The following ASTN2 variants were observed in gnomAD, a reference collection of about 807,000 sequenced individuals.
ASTN2 encodes astrotactin 2.
A neutral mutation model predicts 139.8 loss-of-function variants in ASTN2; 54 were observed. The observed-to-expected ratio is 0.39, with a 90% CI of 0.31 to 0.48. The LOEUF (loss-of-function observed/expected upper bound fraction) is 0.48, where lower values mean the gene tolerates loss of function less well. Among genes scored for constraint, ASTN2 ranks in the 20% least tolerant of loss-of-function variants. The pLI, the probability that ASTN2 is intolerant of heterozygous loss-of-function variation, is 0.95. For missense variants in ASTN2, 1,565 were observed against 1,725.1 expected, an observed-to-expected ratio of 0.91 and a Z score of 1.64; for synonymous variants, 756 against 719.5, an observed-to-expected ratio of 1.05 and a Z score of -0.81.
chr9:116,458,083 G>A, intron 20 of ASTN2, among the ~76,000 whole-genome samples: 1 of 151,782 alleles, frequency 6.6e-6, no homozygotes. Flanking sequence ...TATGTTAAGT[G>A]AAATAAGCCA....
chr9:117,194,977 T>C (rs62564664), intron 3 of ASTN2, among the ~76,000 whole-genome samples: 1 of 129,324 alleles, frequency 7.7e-6, no homozygotes, highest in Non-Finnish European at 1.7e-5. Context: ...CATTCATTCA[T>C]TCACTCATTT....
At chr9:116,983,968 A>G (rs572935444) in intron 7 of ASTN2, among the ~76,000 whole-genome samples, 18 of 152,336 alleles carry the variant, frequency 1.2e-4, no homozygotes, top group African/African-American at 3.8e-4. Context: ...GTTGTGGACA[A>G]TAAAATGTGA....
rs190320924 is a variant in ASTN2, at chr9:117,356,708, G to T, written c.442+57789C>A. 3.3e-3 allele frequency among the ~76,000 whole-genome samples: 502 copies of T among 152,260 alleles called. 1 individual carries two copies. Among genetic ancestry groups the T allele is most frequent in the Non-Finnish European group, 6.0e-3 (405 of 68,020 alleles). On this transcript the variant is annotated intron_variant, in intron 1 of 22. Transcript: ENST00000313400. The stretch of plus-strand genomic sequence containing the variant: ...GGAAAGGGGAATTTAGAGAACAAAT[G>T]AAGGAAGGTAAAAAAAATACTGGAA...
intron 13 of ASTN2, among the ~76,000 whole-genome samples, chr9:116,785,061 T>G (rs1830332487): frequency 6.6e-6 from 1 of 151,950 alleles, no homozygotes; most frequent in Non-Finnish European, 1.5e-5. Context: ...AATTATTCAG[T>G]CTCTTAACAA....
chr9:116,439,296 G>A (rs1847766141), intron 22 of ASTN2, among the ~76,000 whole-genome samples: 1 of 134,638 alleles, frequency 7.4e-6, no homozygotes, highest in African/African-American at 2.8e-5. Context: ...CGCCTCCCGG[G>A]TTCACGCCAT....
chr9:117,081,571 G>T (rs566318598), intron 5 of ASTN2, among the ~76,000 whole-genome samples: 15 of 152,288 alleles, frequency 9.8e-5, no homozygotes, highest in African/African-American at 3.4e-4. Flanking sequence ...TATGACAAGG[G>T]TGAAAGGATT....
At chr9:117,376,704 C>T (rs1033413772) in intron 1 of ASTN2, among the ~76,000 whole-genome samples, 1 of 152,148 alleles carries the variant, frequency 6.6e-6, no homozygotes, top group East Asian at 1.9e-4. Flanking sequence ...TGTCACATTT[C>T]TGGGATCAGT....
chr9:117,238,067 T>C (rs759258909), intron 2 of ASTN2, among the ~76,000 whole-genome samples: 3 of 152,168 alleles, frequency 2.0e-5, no homozygotes, highest in Admixed American at 1.3e-4. Flanking sequence ...CACCATCTCA[T>C]GTAGCTCCAA....
At chr9:117,149,441 G>C (rs985080777) in intron 3 of ASTN2, among the ~76,000 whole-genome samples, 1 of 152,116 alleles carries the variant, frequency 6.6e-6, no homozygotes, top group Non-Finnish European at 1.5e-5. Flanking sequence ...GTTTGTGTGT[G>C]TGTGTGTATG....
rs1830875899 is a variant in ASTN2, at chr9:117,174,723, T to C, written c.1016-33245A>G. 2.0e-5 allele frequency among the ~76,000 whole-genome samples: 3 copies of C among 152,020 alleles called. No individual in the cohort carries two copies. In the South Asian group the frequency reaches 6.2e-4, roughly 32 times the overall value. Reference sequence around the variant, plus strand: ...CACCTCACTTGATGCTGAAAGAGTATTTAATAAATTGTAATATCCAATCAC... The same window carrying C: ...CACCTCACTTGATGCTGAAAGAGTACTTAATAAATTGTAATATCCAATCAC... On this transcript the variant is annotated intron_variant, in intron 3 of 22. Coordinates refer to ENST00000313400, the MANE Select transcript of ASTN2 (RefSeq NM_001365068.1).
At chr9:116,523,203 C>CTTT (rs775154721) in intron 19 of ASTN2, among the ~76,000 whole-genome samples, 1 of 145,028 alleles carries the variant, frequency 6.9e-6, no homozygotes, top group Non-Finnish European at 1.5e-5. Context: ...ATTCAGAGAC[C>CTTT]TTTTTTTTTT....
intron 17 of ASTN2, among the ~76,000 whole-genome samples, chr9:116,632,244 A>AG (rs1348471908): frequency 1.1e-4 from 13 of 118,986 alleles, no homozygotes; most frequent in Non-Finnish European, 2.3e-4. Context: ...AAAGAAAGAA[A>AG]GAAAGAAGGA....
intron 1 of ASTN2, among the ~76,000 whole-genome samples, chr9:117,364,385 G>C (rs1829777405): frequency 6.6e-6 from 1 of 152,320 alleles, no homozygotes; most frequent in African/African-American, 2.4e-5. Context: ...TGCCACTGCA[G>C]ATGTAAGGTT....
At chr9:116,955,322 G>A (rs1204418528) in intron 10 of ASTN2, among the ~76,000 whole-genome samples, 1 of 152,220 alleles carries the variant, frequency 6.6e-6, no homozygotes. Context: ...TCATTATGAT[G>A]AAGAGAAGTC....
chr9:117,017,728 AT>A (rs1216844894), intron 6 of ASTN2, among the ~76,000 whole-genome samples: 1 of 152,176 alleles, frequency 6.6e-6, no homozygotes, highest in African/African-American at 2.4e-5. Context: ...TAAATTACAC[AT>A]TCCATTTACA....
chr9:117,290,063 T>C (rs1382154753), intron 2 of ASTN2, among the ~76,000 whole-genome samples: 5 of 152,198 alleles, frequency 3.3e-5, no homozygotes, highest in Non-Finnish European at 7.3e-5. Flanking sequence ...TACTGCTGAT[T>C]GTTAAATTGA....
intron 3 of ASTN2, among the ~76,000 whole-genome samples, chr9:117,196,053 G>A (rs894085011): frequency 2.0e-5 from 3 of 152,114 alleles, no homozygotes; most frequent in Non-Finnish European, 4.4e-5. Flanking sequence ...GCCGTCCCAA[G>A]GATTACGAAC....
At chr9:117,377,748 T>C (rs1830163179) in intron 1 of ASTN2, among the ~76,000 whole-genome samples, 1 of 122,014 alleles carries the variant, frequency 8.2e-6, no homozygotes. Flanking sequence ...TAATCAATAC[T>C]ACAGAATAAT....
intron 16 of ASTN2, chr9:116,686,611 A>T (rs1178229461): frequency 7.3e-7 from 1 of 1,376,658 alleles, no homozygotes; most frequent in Non-Finnish European, 1.0e-6. Context: ...GATTCCCTCA[A>T]ATCTCAGGCC....
Sources: allele counts gnomAD v4.1 joint callset (sites outside exome capture counted in the v4.1 genomes callset), GRCh38; gene constraint gnomAD v4.1.1; transcripts MANE v1.5; gene names NCBI Gene and HGNC (gene_info 2026-07-23, HGNC 2026-07-21).